The following IMMP2L variants were observed in gnomAD, a reference collection of about 807,000 sequenced individuals.
IMMP2L encodes the protein mitochondrial inner membrane protease subunit 2.
Under a neutral mutation model 19.3 loss-of-function variants are expected in IMMP2L, and 18 were observed. That is an observed-to-expected ratio of 0.93 (90% CI 0.64 to 1.38). IMMP2L has a LOEUF of 1.38. Ranked by LOEUF, IMMP2L falls within the 40% of genes most tolerant of loss-of-function variation. The probability of loss-of-function intolerance (pLI) is 0.00; values close to 1 mark genes in which losing one functional copy is unlikely to be tolerated. For missense variants in IMMP2L, 233 were observed against 218.2 expected (o/e 1.07, Z -0.43); for synonymous variants, 76 against 73.0 (o/e 1.04, Z -0.21).
chr7:111,207,080 T>C (rs1016710876), intron 3 of IMMP2L, among the ~76,000 whole-genome samples: 1 of 152,228 alleles, frequency 6.6e-6, no homozygotes, highest in Non-Finnish European at 1.5e-5. Flanking sequence ...TTTTGGAATA[T>C]ATTGTACAAT....
chr7:111,480,563 C>A (rs1842091149), intron 3 of IMMP2L, among the ~76,000 whole-genome samples: 1 of 114,944 alleles, frequency 8.7e-6, no homozygotes, highest in Non-Finnish European at 1.8e-5. Flanking sequence ...AAATAAACTG[C>A]AACACAGGAT....
chr7:110,706,451 C>G (rs989207144), intron 5 of IMMP2L, among the ~76,000 whole-genome samples: 14 of 152,162 alleles, frequency 9.2e-5, no homozygotes, highest in African/African-American at 3.1e-4. Flanking sequence ...TCCACAGCAG[C>G]TGAACTCATT....
At chr7:111,544,426 CTA>C (rs1301229892) in intron 1 of IMMP2L, among the ~76,000 whole-genome samples, 1 of 152,062 alleles carries the variant, frequency 6.6e-6, no homozygotes, top group East Asian at 1.9e-4. Flanking sequence ...CCTACCGACT[CTA>C]TGAATTCAGT....
At position 111,010,002 on chromosome 7, in the gene IMMP2L, C is replaced by T. The variant is rs181041049; in HGVS notation, c.240-46437G>A. On this transcript the variant is annotated intron_variant, in intron 3 of 5. Transcript: ENST00000405709. Reference sequence around the variant, plus strand: ...TGTCAGTGTCCCTGCTACTAAACAACCTAGCCATCAGCTGATTTACAATTG... The same window carrying T: ...TGTCAGTGTCCCTGCTACTAAACAATCTAGCCATCAGCTGATTTACAATTG... 3.9e-4 allele frequency among the ~76,000 whole-genome samples: 59 copies of T among 152,204 alleles called. 1 individual carries two copies. Among genetic ancestry groups the T allele is most frequent in the African/African-American group, 1.3e-3 (56 of 41,548 alleles).
chr7:111,439,721 T>G (rs1837532596), intron 3 of IMMP2L, among the ~76,000 whole-genome samples: 1 of 151,862 alleles, frequency 6.6e-6, no homozygotes. Context: ...GGCAATTTCT[T>G]AAAACAAGAC....
intron 3 of IMMP2L, among the ~76,000 whole-genome samples, chr7:111,211,580 A>T (rs985300331): frequency 1.3e-5 from 2 of 152,326 alleles, no homozygotes; most frequent in Non-Finnish European, 2.9e-5. Context: ...TTGACAGATA[A>T]ATGTAGTATA....
intron 3 of IMMP2L, among the ~76,000 whole-genome samples, chr7:111,454,801 G>T (rs1020539193): frequency 6.6e-6 from 1 of 151,898 alleles, no homozygotes; most frequent in Non-Finnish European, 1.5e-5. Context: ...AGATATAAAT[G>T]AGAAATTCAA....
chr7:111,373,229 T>C (rs953980679), intron 3 of IMMP2L, among the ~76,000 whole-genome samples: 2 of 150,810 alleles, frequency 1.3e-5, no homozygotes, highest in Non-Finnish European at 3.0e-5. Context: ...AAGAAAAAAA[T>C]AAGTTTTCTA....
intron 4 of IMMP2L, among the ~76,000 whole-genome samples, chr7:110,960,411 A>C (rs2129555222): frequency 6.6e-6 from 1 of 152,028 alleles, no homozygotes; most frequent in South Asian, 2.1e-4. Flanking sequence ...TTCTGTTTCT[A>C]GGAATTCACC....
At chr7:111,501,548 A>G (rs1222830865) in intron 2 of IMMP2L, among the ~76,000 whole-genome samples, 1 of 152,190 alleles carries the variant, frequency 6.6e-6, no homozygotes, top group African/African-American at 2.4e-5. Flanking sequence ...GAAATGAAGG[A>G]AAAAATGTTA....
intron 5 of IMMP2L, among the ~76,000 whole-genome samples, chr7:110,822,823 C>A (rs1400125304): frequency 2.0e-5 from 3 of 152,068 alleles, no homozygotes; most frequent in African/African-American, 7.2e-5. Flanking sequence ...AATGTTACTT[C>A]TTTAATTATT....
intron 2 of IMMP2L, among the ~76,000 whole-genome samples, chr7:111,499,670 G>A (rs1394140275): frequency 6.6e-6 from 1 of 152,178 alleles, no homozygotes. Context: ...AAATCCAGCA[G>A]CATGTGTTGT....
chr7:111,513,582 A>G (rs962111781), intron 2 of IMMP2L, among the ~76,000 whole-genome samples: 4 of 152,158 alleles, frequency 2.6e-5, no homozygotes, highest in Non-Finnish European at 5.9e-5. Flanking sequence ...CTACCAGATG[A>G]TCTACCACTC....
intron 2 of IMMP2L, among the ~76,000 whole-genome samples, chr7:111,496,891 T>C (rs902853270): frequency 3.4e-5 from 5 of 148,696 alleles, no homozygotes; most frequent in Non-Finnish European, 7.4e-5. Flanking sequence ...CTCTCATAGA[T>C]AGATACATAG....
intron 3 of IMMP2L, among the ~76,000 whole-genome samples, chr7:111,008,295 G>A (rs1257722518): frequency 6.6e-6 from 1 of 151,980 alleles, no homozygotes; most frequent in East Asian, 1.9e-4. Flanking sequence ...AACCTCAACT[G>A]CTCTACTCTT....
chr7:110,784,284 A>G (rs983835912), intron 5 of IMMP2L, among the ~76,000 whole-genome samples: 32 of 152,036 alleles, frequency 2.1e-4, no homozygotes, highest in African/African-American at 6.3e-4. Flanking sequence ...CTCAAAACTC[A>G]TGACAAGTTT....
chr7:111,199,197 C>T (rs1157290284), intron 3 of IMMP2L, among the ~76,000 whole-genome samples: 2 of 151,948 alleles, frequency 1.3e-5, no homozygotes, highest in East Asian at 1.9e-4. Flanking sequence ...GCCTCATTTC[C>T]GAATAAATAA....
intron 3 of IMMP2L, among the ~76,000 whole-genome samples, chr7:111,141,541 T>G (rs1039623645): frequency 2.0e-5 from 3 of 152,130 alleles, no homozygotes; most frequent in African/African-American, 7.2e-5. Flanking sequence ...AATAATTTAT[T>G]CCCAAACTGT....
chr7:111,225,970 G>A (rs1813046607), intron 3 of IMMP2L, among the ~76,000 whole-genome samples: 1 of 152,018 alleles, frequency 6.6e-6, no homozygotes, highest in African/African-American at 2.4e-5. Context: ...TGGCTGGTAG[G>A]GATGGAAGTA....
Sources: allele counts gnomAD v4.1 joint callset (sites outside exome capture counted in the v4.1 genomes callset), GRCh38; gene constraint gnomAD v4.1.1; transcripts MANE v1.5; gene names NCBI Gene and HGNC (gene_info 2026-07-23, HGNC 2026-07-21).